The following PPAT variants were observed in gnomAD, a reference collection of about 807,000 sequenced individuals.
PPAT encodes phosphoribosyl pyrophosphate amidotransferase.
A neutral mutation model predicts 60.2 loss-of-function variants in PPAT; 20 were observed. The observed-to-expected ratio is 0.33, with a 90% CI of 0.23 to 0.48. PPAT has a LOEUF of 0.48. Among genes scored for constraint, PPAT ranks in the 20% least tolerant of loss-of-function variants. The pLI is 0.99. For synonymous variants in PPAT, 194 were observed against 215.1 expected (o/e 0.90, Z 0.86); for missense variants, 349 against 629.6 (o/e 0.55, Z 4.77).
intron 3 of PPAT, 138 bp from the exon 4 acceptor site, chr4:56,403,539 G>A: frequency 1.5e-6 from 1 of 646,564 alleles, no homozygotes; most frequent in Admixed American, 2.8e-5. Flanking sequence ...TAATGCAGCA[G>A]TCCCCAACCT....
At chr4:56,418,898 T>A (rs556276212) in intron 1 of PPAT, among the ~76,000 whole-genome samples, 1 of 152,328 alleles carries the variant, frequency 6.6e-6, no homozygotes, top group Non-Finnish European at 1.5e-5. Flanking sequence ...ACATACTGCC[T>A]AGGAACAAGG....
intron 1 of PPAT, among the ~76,000 whole-genome samples, chr4:56,411,954 C>A (rs1716484355): frequency 2.6e-5 from 4 of 152,186 alleles, no homozygotes; most frequent in Non-Finnish European, 1.5e-5. Flanking sequence ...GAGATGACAC[C>A]AAATTCTGAG....
At chr4:56,420,293 A>G (rs1306874111) in intron 1 of PPAT, 2 of 152,318 alleles carry the variant, frequency 1.3e-5, no homozygotes, top group African/African-American at 4.8e-5. Context: ...AATTTTGTGC[A>G]TGAAACAAAG....
At chr4:56,428,019 C>A (rs1269974084) in intron 1 of PPAT, among the ~76,000 whole-genome samples, 1 of 152,146 alleles carries the variant, frequency 6.6e-6, no homozygotes, top group Non-Finnish European at 1.5e-5. Flanking sequence ...CAGTGAAGAT[C>A]ACCTATGATG....
At chr4:56,419,912 T>TAAGA (rs1716953923) in intron 1 of PPAT, 1 of 984,300 alleles carries the variant, frequency 1.0e-6, no homozygotes, top group Admixed American at 6.2e-5. Flanking sequence ...TAGGCATGAC[T>TAAGA]AAGAGTATGA....
At chr4:56,406,228 A>T (rs904525877) in intron 3 of PPAT, among the ~76,000 whole-genome samples, 3 of 152,180 alleles carry the variant, frequency 2.0e-5, no homozygotes, top group African/African-American at 7.2e-5. Flanking sequence ...TTCCATCCAT[A>T]AATCAACTCT....
At chr4:56,405,637 G>C (rs1716223910) in intron 3 of PPAT, among the ~76,000 whole-genome samples, 1 of 152,226 alleles carries the variant, frequency 6.6e-6, no homozygotes, top group South Asian at 2.1e-4. Flanking sequence ...TAGGTTCAGA[G>C]AGCTTCTGGA....
chr4:56,434,450 T>C (rs540424854), intron 1 of PPAT, among the ~76,000 whole-genome samples: 1 of 152,352 alleles, frequency 6.6e-6, no homozygotes, highest in South Asian at 2.1e-4. Flanking sequence ...CCCAGGTTTG[T>C]TTTTCTTATC....
At chr4:56,399,511 T>C in intron 8 of PPAT, 111 bp from the exon 9 acceptor site, 1 of 906,372 alleles carries the variant, frequency 1.1e-6, no homozygotes, top group Non-Finnish European at 1.6e-6. Flanking sequence ...AAAATAATTT[T>C]CCTTTATTAT....
At chr4:56,427,730 G>A (rs1717365350) in intron 1 of PPAT, among the ~76,000 whole-genome samples, 1 of 151,858 alleles carries the variant, frequency 6.6e-6, no homozygotes, top group Non-Finnish European at 1.5e-5. Flanking sequence ...CTCACTGTTA[G>A]AAAGCATTGT....
At position 56,429,950 on chromosome 4, in the gene PPAT, A is replaced by AT. The variant is rs374397019; in HGVS notation, c.128+5399dup. Among the ~76,000 whole-genome samples the AT allele has an allele frequency of 1.8e-3, 274 of 152,254 alleles. 1 individual carries two copies. The highest frequency in any genetic ancestry group is 6.5e-3 in the African/African-American group (268 of 41,548). Reference sequence around the variant, plus strand: ...GTCTGTTATTTTTTATTACTGTAGAATAGTCCATTGTAAAAATATACATCC... The same window carrying AT: ...GTCTGTTATTTTTTATTACTGTAGAATTAGTCCATTGTAAAAATATACATCC... On this transcript the variant is annotated intron_variant, in intron 1 of 10. Coordinates refer to ENST00000264220, the MANE Select transcript of PPAT (RefSeq NM_002703.5).
chr4:56,432,322 G>T, intron 1 of PPAT, among the ~76,000 whole-genome samples: 1 of 152,172 alleles, frequency 6.6e-6, no homozygotes, highest in Admixed American at 6.5e-5. Flanking sequence ...GAGGCCAGGA[G>T]TTCAAGACCA....
At chr4:56,429,882 A>C (rs1717492830) in intron 1 of PPAT, among the ~76,000 whole-genome samples, 1 of 152,170 alleles carries the variant, frequency 6.6e-6, no homozygotes, top group African/African-American at 2.4e-5. Context: ...CTTTCATTCA[A>C]CATTGTTTAT....
At chr4:56,424,599 T>C (rs910117397) in intron 1 of PPAT, among the ~76,000 whole-genome samples, 1 of 152,140 alleles carries the variant, frequency 6.6e-6, no homozygotes, top group Non-Finnish European at 1.5e-5. Context: ...CCCATGAAAA[T>C]TGAATAAACT....
chr4:56,402,501 A>G (rs908051731), intron 5 of PPAT, among the ~76,000 whole-genome samples: 1 of 152,156 alleles, frequency 6.6e-6, no homozygotes, highest in African/African-American at 2.4e-5. Flanking sequence ...AAAAAATAGG[A>G]ATCTCTATTA....
At chr4:56,429,892 T>C (rs781769660) in intron 1 of PPAT, among the ~76,000 whole-genome samples, 19 of 152,236 alleles carry the variant, frequency 1.2e-4, no homozygotes, top group Non-Finnish European at 2.4e-4. Context: ...ACATTGTTTA[T>C]GAGATTCACC....
intron 1 of PPAT, among the ~76,000 whole-genome samples, chr4:56,432,077 C>A (rs1234492267): frequency 6.6e-6 from 1 of 152,158 alleles, no homozygotes; most frequent in Non-Finnish European, 1.5e-5. Flanking sequence ...CTAATTGATA[C>A]TCTATTTATT....
In PPAT at chr4:56,435,578, C is replaced by A. The variant is rs1717866474; in HGVS notation, c.-101G>T. ...CGTCGAGCTCAGAAGCTCGCGCTCGCGACAGGCTCTTCCTTCCCGAGGGTG... is the reference window on the plus strand; with the variant it reads ...CGTCGAGCTCAGAAGCTCGCGCTCGAGACAGGCTCTTCCTTCCCGAGGGTG... On this transcript the variant is annotated 5_prime_UTR_variant, in exon 1 of 11. Transcript: ENST00000264220. The A allele has an allele frequency of 1.3e-6, 2 of 1,583,008 alleles. No homozygotes were observed. Among genetic ancestry groups the A allele is most frequent in the Admixed American group, 1.7e-5 (1 of 58,574 alleles).
chr4:56,401,963 A>T, intron 6 of PPAT, 146 bp downstream of exon 6: 1 of 591,030 alleles, frequency 1.7e-6, no homozygotes, highest in Non-Finnish European at 2.9e-6. Flanking sequence ...TGCTGAGCAT[A>T]ACATGCATAA....
Sources: gnomAD v4.1 joint callset for allele counts (sites outside exome capture counted in the v4.1 genomes callset) on GRCh38, gnomAD v4.1.1 for gene constraint, MANE v1.5 for transcripts, NCBI Gene and HGNC (gene_info 2026-07-23, HGNC 2026-07-21) for gene names.